The following NRP1 variants were observed in gnomAD, a reference collection of about 807,000 sequenced individuals.
NRP1 encodes the protein neuropilin 1.
A neutral mutation model predicts 106.7 loss-of-function variants in NRP1; 35 were observed. The ratio of observed to expected loss-of-function variants is 0.33; its 90% CI spans 0.25 to 0.43. The LOEUF (loss-of-function observed/expected upper bound fraction) is 0.43, where lower values mean the gene tolerates loss of function less well. NRP1 is among the 20% of genes least tolerant of loss of function. The probability of loss-of-function intolerance (pLI) is 1.00; values close to 1 mark genes in which losing one functional copy is unlikely to be tolerated. For missense variants in NRP1, 1,024 were observed against 1,170.4 expected (o/e 0.87, Z 1.83); for synonymous variants, 437 against 417.9 (o/e 1.05, Z -0.56).
chr10:33,305,418 A>T (rs1254181124), intron 2 of NRP1, among the ~76,000 whole-genome samples: 2 of 152,162 alleles, frequency 1.3e-5, no homozygotes, highest in African/African-American at 4.8e-5. Flanking sequence ...CTAGCTGCAA[A>T]ATGGGTGCAT....
Position 33,213,469 on chromosome 10 carries a change from A to T in NRP1, c.1531T>A (p.Phe511Ile). The T allele has an allele frequency of 6.2e-7, 1 of 1,613,000 alleles. No individual in the cohort carries two copies. The highest frequency in any genetic ancestry group is 1.3e-5 in the African/African-American group (1 of 74,612). Residue 511 changes from phenylalanine to isoleucine, a missense_variant, in exon 9 of 17, where the codon TTC becomes ATC. Phe to Ile is a conservative substitution (Grantham distance 21). Transcript: ENST00000374867. ...QGGKHRENKVFMRKFKIGYSN... is the reference protein window; with the variant it reads ...QGGKHRENKVIMRKFKIGYSN... ...TACCCGATCTTGAACTTCCTCATGA[A>T]CACCTTGTTCTCTCGGTGCTTCCCA... is the stretch of plus-strand genomic sequence containing the variant.
intron 6 of NRP1, among the ~76,000 whole-genome samples, chr10:33,228,139 C>T (rs1031413988): frequency 1.6e-5 from 2 of 128,980 alleles, no homozygotes; most frequent in African/African-American, 5.8e-5. Flanking sequence ...TAAACACAAG[C>T]TTAAAAAAAA....
chr10:33,281,666 C>T (rs1175157971), intron 2 of NRP1, among the ~76,000 whole-genome samples: 1 of 152,118 alleles, frequency 6.6e-6, no homozygotes, highest in Non-Finnish European at 1.5e-5. Context: ...GGATAGGTCA[C>T]TAACTGACTT....
intron 6 of NRP1, 101 bp from the exon 7 acceptor site, chr10:33,226,390 G>T: frequency 8.1e-7 from 1 of 1,239,146 alleles, no homozygotes; most frequent in East Asian, 2.4e-5. Context: ...TCATCCACCT[G>T]GGATCAACAG....
In NRP1 at chr10:33,307,530, T is replaced by C. The variant is rs115596244; in HGVS notation, c.248+23178A>G. Among the ~76,000 whole-genome samples the C allele has an allele frequency of 6.8e-3, 1,041 of 152,290 alleles. 12 individuals are homozygous for C. Among genetic ancestry groups the C allele is most frequent in the African/African-American group, 0.024 (988 of 41,566 alleles). On this transcript the variant is annotated intron_variant, in intron 2 of 16. Transcript: ENST00000374867. ...TGAAAACATAGATATAGTTTTAAAG[T>C]AAACCTCCCCAACCTCCCCTACCTC...
chr10:33,297,312 T>C (rs1208721518), intron 2 of NRP1, among the ~76,000 whole-genome samples: 1 of 152,204 alleles, frequency 6.6e-6, no homozygotes, highest in Non-Finnish European at 1.5e-5. Flanking sequence ...TCAGTTTCTT[T>C]AGATTTGGAT....
intron 6 of NRP1, among the ~76,000 whole-genome samples, chr10:33,237,162 C>T (rs1168874994): frequency 6.6e-6 from 1 of 152,070 alleles, no homozygotes; most frequent in Non-Finnish European, 1.5e-5. Flanking sequence ...CTGAAGAATG[C>T]CAAGTATCCA....
At chr10:33,266,916 C>T (rs1015768149) in intron 3 of NRP1, among the ~76,000 whole-genome samples, 9 of 152,162 alleles carry the variant, frequency 5.9e-5, no homozygotes, top group Non-Finnish European at 1.3e-4. Flanking sequence ...CCTGTAGTCC[C>T]AGCTACTTGG....
At chr10:33,269,871 A>G (rs911947526) in intron 3 of NRP1, among the ~76,000 whole-genome samples, 1 of 152,226 alleles carries the variant, frequency 6.6e-6, no homozygotes, top group African/African-American at 2.4e-5. Context: ...TCACCTGTAT[A>G]TGGGACCGTC....
chr10:33,249,155 A>T (rs1841662364), intron 6 of NRP1, among the ~76,000 whole-genome samples: 1 of 140,478 alleles, frequency 7.1e-6, no homozygotes. Flanking sequence ...ATTTTGAGGA[A>T]AGCACTCCCA....
chr10:33,306,155 A>G (rs1401811847), intron 2 of NRP1, among the ~76,000 whole-genome samples: 2 of 152,014 alleles, frequency 1.3e-5, no homozygotes, highest in Non-Finnish European at 2.9e-5. Flanking sequence ...GGCTAAATCC[A>G]TTTTTCCCCC....
chr10:33,272,848 A>G (rs1258355268), intron 2 of NRP1, among the ~76,000 whole-genome samples: 1 of 152,064 alleles, frequency 6.6e-6, no homozygotes, highest in Non-Finnish European at 1.5e-5. Flanking sequence ...TAAGTGGCCA[A>G]ATTCTAGCTC....
intron 1 of NRP1, among the ~76,000 whole-genome samples, chr10:33,333,175 A>G (rs1471030629): frequency 1.3e-5 from 2 of 152,160 alleles, no homozygotes; most frequent in African/African-American, 4.8e-5. Context: ...TTCCTGCCAG[A>G]TTATAGAAAA....
At chr10:33,253,909 G>A (rs1402767269) in intron 6 of NRP1, 119 bp downstream of exon 6, 6 of 837,682 alleles carry the variant, frequency 7.2e-6, no homozygotes, top group Non-Finnish European at 9.2e-6. Context: ...ATACCTGATG[G>A]CCGTGAACCT....
At chr10:33,208,760 T>A (rs1838026968) in intron 9 of NRP1, among the ~76,000 whole-genome samples, 1 of 152,136 alleles carries the variant, frequency 6.6e-6, no homozygotes, top group Non-Finnish European at 1.5e-5. Flanking sequence ...TTTGTCATCT[T>A]CCTATGATAT....
chr10:33,213,338 G>T, intron 9 of NRP1, 48 bp downstream of exon 9: 1 of 1,614,130 alleles, frequency 6.2e-7, no homozygotes, highest in Non-Finnish European at 8.5e-7. Flanking sequence ...GCCCTTGATT[G>T]AAGTCAAGGA....
intron 2 of NRP1, among the ~76,000 whole-genome samples, chr10:33,324,001 A>G (rs1414809648): frequency 6.6e-6 from 1 of 152,212 alleles, no homozygotes; most frequent in Admixed American, 6.5e-5. Flanking sequence ...TCAGTCTGAT[A>G]AGATTTCAAC....
Position 33,179,931 on chromosome 10 carries a change from A to G in NRP1, c.*145T>C. On this transcript the variant is annotated 3_prime_UTR_variant, in exon 17 of 17. Coordinates refer to ENST00000374867, the MANE Select transcript of NRP1 (RefSeq NM_003873.7). ...AGCTCCTTGTCCATGTCTGTCGGCC[A>G]TACTCATTGAAGCTCCTGAGAAAAG... The G allele has an allele frequency of 1.3e-6, 1 of 777,346 alleles. No homozygotes were observed. Among genetic ancestry groups the G allele is most frequent in the Non-Finnish European group, 2.1e-6 (1 of 467,174 alleles). 48.2% of individuals were successfully genotyped at this position (777,346 alleles called of 1,614,324 possible).
chr10:33,334,258 G>A (rs1194775083), intron 1 of NRP1, 52 bp downstream of exon 1: 2 of 1,499,094 alleles, frequency 1.3e-6, no homozygotes, highest in Non-Finnish European at 1.8e-6. Flanking sequence ...TCCGGGGCGG[G>A]CAGCTGGGAG....
Sources: allele counts gnomAD v4.1 joint callset (sites outside exome capture counted in the v4.1 genomes callset), GRCh38; gene constraint gnomAD v4.1.1; transcripts MANE v1.5; gene names NCBI Gene and HGNC (gene_info 2026-07-23, HGNC 2026-07-21).